Variants in GUCY1A2 observed in about 807,000 individuals in gnomAD.
GUCY1A2 encodes the protein guanylate cyclase soluble subunit alpha-2.
In GUCY1A2, 27 loss-of-function variants were observed where a neutral mutation model predicts 63.5. The ratio of observed to expected loss-of-function variants is 0.43; its 90% CI spans 0.31 to 0.59. The LOEUF (loss-of-function observed/expected upper bound fraction) is 0.59. Ranked by LOEUF, GUCY1A2 falls within the 20% of genes least tolerant of loss-of-function variation. The pLI is 0.11. For missense variants in GUCY1A2, 768 were observed against 913.3 expected (o/e 0.84, Z 2.05); for synonymous variants, 364 against 343.5 (o/e 1.06, Z -0.66).
intron 5 of GUCY1A2, among the ~76,000 whole-genome samples, chr11:106,780,993 T>C (rs1370903239): frequency 2.6e-5 from 4 of 151,862 alleles, no homozygotes. Context: ...AAGTAATTAG[T>C]GGGTTTTGCT....
chr11:107,017,760 G>C lies in GUCY1A2; in HGVS notation c.296C>G (p.Ala99Gly). The change falls in exon 1 of 8, where the codon GCG becomes GGG. Residue 99 changes from alanine to glycine, a missense_variant. Ala to Gly is a moderately conservative substitution (Grantham distance 60, BLOSUM62 0). Transcript: ENST00000526355. Reference sequence around the variant, plus strand: ...CTTCCGCCCCCCGCTCACCGAGGGCGCCGTCAGGCGGCTGATGCTCTCGCC... The same window carrying C: ...CTTCCGCCCCCCGCTCACCGAGGGCCCCGTCAGGCGGCTGATGCTCTCGCC... ...SLGESISRLT[A>G]PSPQTIQQTL... 1 of 1,410,478 alleles carries C rather than the reference G, an allele frequency of 7.1e-7. No individual in the cohort carries two copies. The highest frequency in any genetic ancestry group is 2.5e-5 in the Admixed American group (1 of 40,026). The allele number at this position is 1,410,478 out of a possible 1,614,324, so 87.4% of individuals were successfully genotyped here.
chr11:106,793,189 C>A lies in GUCY1A2; in HGVS notation c.1693-16607G>T, dbSNP rs1335891546. 2.0e-5 allele frequency among the ~76,000 whole-genome samples: 3 copies of A among 151,520 alleles called. No homozygotes were observed. The East Asian group carries it at 5.8e-4, about 30-fold the overall frequency. On this transcript the variant is annotated intron_variant, in intron 5 of 7. Coordinates refer to ENST00000526355, the MANE Select transcript of GUCY1A2 (RefSeq NM_000855.3). ...TAAACAGACACATACACCAATGGGA[C>A]AGAATGAGATCCCAGAACTAAATCT...
chr11:106,877,145 T>C (rs1476497464), intron 4 of GUCY1A2, among the ~76,000 whole-genome samples: 1 of 152,068 alleles, frequency 6.6e-6, no homozygotes, highest in African/African-American at 2.4e-5. Context: ...TGTACAGAAA[T>C]GCTAGTGATT....
chr11:106,984,732 CTAATT>C (rs1171454744), intron 2 of GUCY1A2, among the ~76,000 whole-genome samples: 1 of 152,124 alleles, frequency 6.6e-6, no homozygotes, highest in Non-Finnish European at 1.5e-5. Context: ...AGTATACTAA[CTAATT>C]TAATCCAAAC....
chr11:106,711,050 A>C (rs1565265880), intron 6 of GUCY1A2, among the ~76,000 whole-genome samples: 1 of 152,130 alleles, frequency 6.6e-6, no homozygotes, highest in Non-Finnish European at 1.5e-5. Flanking sequence ...TGACTCTAAA[A>C]TTTATTTGAA....
chr11:106,799,540 G>A (rs1397186677), intron 5 of GUCY1A2, among the ~76,000 whole-genome samples: 1 of 152,120 alleles, frequency 6.6e-6, no homozygotes, highest in Non-Finnish European at 1.5e-5. Context: ...TACCAAAACA[G>A]AGATGTAGAC....
chr11:106,711,998 GTTA>G (rs1863128319), intron 6 of GUCY1A2, among the ~76,000 whole-genome samples: 1 of 151,812 alleles, frequency 6.6e-6, no homozygotes, highest in African/African-American at 2.4e-5. Flanking sequence ...AGGTAATTTA[GTTA>G]TGATTTACCT....
At chr11:106,716,350 C>T (rs1049372372) in intron 6 of GUCY1A2, among the ~76,000 whole-genome samples, 2 of 152,136 alleles carry the variant, frequency 1.3e-5, no homozygotes, top group African/African-American at 4.8e-5. Flanking sequence ...GGCCTCTGAC[C>T]ACTAGATGCC....
intron 5 of GUCY1A2, among the ~76,000 whole-genome samples, chr11:106,801,600 A>T (rs559994713): frequency 6.6e-6 from 1 of 152,266 alleles, no homozygotes; most frequent in South Asian, 2.1e-4. Flanking sequence ...AATCAGAACT[A>T]AATTCAAGTA....
intron 6 of GUCY1A2, among the ~76,000 whole-genome samples, chr11:106,711,712 C>T (rs888569957): frequency 3.3e-5 from 5 of 152,090 alleles, no homozygotes; most frequent in Admixed American, 6.5e-5. Flanking sequence ...TTAAATATTT[C>T]TTATACTGTA....
rs1862505533 is a variant in GUCY1A2, at chr11:106,685,303, T to A, written c.*2246A>T. On this transcript the variant is annotated 3_prime_UTR_variant, in exon 8 of 8. Transcript: ENST00000526355. ...GATAAATTGAGATATATAAATACAA[T>A]ACTTCTCTCCAGGCCTATCACTAGT... is the stretch of plus-strand genomic sequence containing the variant. 1 of 206,508 alleles carries A rather than the reference T, an allele frequency of 4.8e-6. No individual in the cohort carries two copies. The highest frequency in any genetic ancestry group is 1.9e-4 in the South Asian group (1 of 5,302). 12.8% of individuals were successfully genotyped at this position (206,508 alleles called of 1,614,324 possible). A position where few individuals can be genotyped will look rare whatever the true frequency, so the allele number is the denominator to read the frequency against.
At chr11:106,922,686 T>TGAAA (rs1307963622) in intron 4 of GUCY1A2, among the ~76,000 whole-genome samples, 1 of 16,058 alleles carries the variant, frequency 6.2e-5, no homozygotes, top group Non-Finnish European at 1.5e-4. Flanking sequence ...TATATATATA[T>TGAAA]ATATATATAT....
intron 4 of GUCY1A2, among the ~76,000 whole-genome samples, chr11:106,898,943 T>C (rs117843820): frequency 0.012 from 1,892 of 152,312 alleles, 25 homozygotes; most frequent in South Asian, 0.046. Context: ...GCTATGCCTG[T>C]TGAAGAGACA....
chr11:106,819,606 T>C (rs1343270030), intron 4 of GUCY1A2, among the ~76,000 whole-genome samples: 1 of 152,196 alleles, frequency 6.6e-6, no homozygotes, highest in East Asian at 1.9e-4. Context: ...TATTAAGGTA[T>C]ATACATTTTT....
At chr11:106,703,958 T>C (rs181431417) in intron 7 of GUCY1A2, among the ~76,000 whole-genome samples, 254 of 152,184 alleles carry the variant, frequency 1.7e-3, no homozygotes, top group Non-Finnish European at 4.3e-4. Context: ...TAGCTTAAAT[T>C]TGGGAATTTC....
At chr11:106,753,189 C>T (rs532634965) in intron 6 of GUCY1A2, among the ~76,000 whole-genome samples, 1 of 152,256 alleles carries the variant, frequency 6.6e-6, no homozygotes, top group South Asian at 2.1e-4. Context: ...CTGTTCATAT[C>T]CTTTGCCTAC....
chr11:106,891,517 T>A (rs1859974347), intron 4 of GUCY1A2, among the ~76,000 whole-genome samples: 1 of 152,160 alleles, frequency 6.6e-6, no homozygotes, highest in Admixed American at 6.5e-5. Flanking sequence ...CTTGCTTTTT[T>A]CAAGATCCTG....
chr11:106,864,076 G>A (rs527865791), intron 4 of GUCY1A2, among the ~76,000 whole-genome samples: 32 of 152,052 alleles, frequency 2.1e-4, no homozygotes, highest in East Asian at 7.8e-4. Flanking sequence ...GGTTGGGAGC[G>A]ATAGGGGATG....
intron 4 of GUCY1A2, among the ~76,000 whole-genome samples, chr11:106,900,102 A>C (rs1194972799): frequency 6.6e-6 from 1 of 151,944 alleles, no homozygotes; most frequent in Non-Finnish European, 1.5e-5. Flanking sequence ...AAAAAAAAAA[A>C]ACAATCTATA....
Sources: gnomAD v4.1 joint callset for allele counts (sites outside exome capture counted in the v4.1 genomes callset) on GRCh38, gnomAD v4.1.1 for gene constraint, MANE v1.5 for transcripts, NCBI Gene and HGNC (gene_info 2026-07-23, HGNC 2026-07-21) for gene names.